PWWP2A: variants seen among roughly 807,000 people sequenced by gnomAD.
PWWP2A encodes the protein PWWP domain containing 2A, also known as PWWP domain-containing protein 2A.
A neutral mutation model predicts 48.5 loss-of-function variants in PWWP2A; 18 were observed. The ratio of observed to expected loss-of-function variants is 0.37; its 90% CI spans 0.26 to 0.55. PWWP2A has a LOEUF of 0.55. Among genes scored for constraint, PWWP2A ranks in the 20% least tolerant of loss-of-function variants. The pLI is 0.81. For synonymous variants in PWWP2A, 396 were observed against 387.7 expected, an observed-to-expected ratio of 1.02 and a Z score of -0.25; for missense variants, 867 against 976.4, an observed-to-expected ratio of 0.89 and a Z score of 1.49.
downstream of PWWP2A, chr5:160,091,150 CTTATT>C: frequency 4.1e-6 from 4 of 978,798 alleles, no homozygotes; most frequent in Non-Finnish European, 4.9e-6. Context: ...ACTACAAAAT[CTTATT>C]TTGAGAATAT....
At chr5:160,109,006 T>TA (rs535321641) in intron 1 of PWWP2A, among the ~76,000 whole-genome samples, 171 of 152,216 alleles carry the variant, frequency 1.1e-3, no homozygotes, top group Non-Finnish European at 1.9e-3. Context: ...TGTCTTCAGA[T>TA]AGAGTCTCAC....
intron 4 of PWWP2A, chr5:160,064,830 A>T: frequency 2.4e-6 from 3 of 1,261,136 alleles, no homozygotes; most frequent in Non-Finnish European, 3.3e-6. Context: ...CTGCAAAGAG[A>T]TACTTTTATA....
chr5:160,061,642 A>G (rs1181323538), downstream of PWWP2A, among the ~76,000 whole-genome samples: 1 of 151,908 alleles, frequency 6.6e-6, no homozygotes, highest in African/African-American at 2.4e-5. Context: ...TCATTTAGAA[A>G]GCAGAATTTC....
chr5:160,103,169 G>C (rs914692734), intron 1 of PWWP2A, among the ~76,000 whole-genome samples: 48 of 152,310 alleles, frequency 3.2e-4, no homozygotes, highest in Admixed American at 1.0e-3. Flanking sequence ...TTACAAATGA[G>C]TGACTCTAGA....
At chr5:160,067,571 TTCC>T (rs1211366324) in intron 2 of PWWP2A, among the ~76,000 whole-genome samples, 1 of 152,148 alleles carries the variant, frequency 6.6e-6, no homozygotes, top group African/African-American at 2.4e-5. Flanking sequence ...TTTCTTAGGC[TTCC>T]TCCTCCTCTT....
At chr5:160,101,382 CATGA>C (rs982051083) in intron 1 of PWWP2A, among the ~76,000 whole-genome samples, 2 of 152,140 alleles carry the variant, frequency 1.3e-5, no homozygotes, top group Non-Finnish European at 2.9e-5. Flanking sequence ...CATGCTACAA[CATGA>C]ATGAGTCTTG....
At position 160,093,932 on chromosome 5, in the gene PWWP2A, G is replaced by T. The variant is rs185776384; in HGVS notation, c.718C>A (p.Pro240Thr). ...EVKCEANGAV[P>T]DDPSPVPHPE... ...TGCGGGACAGGAGAAGGGTCATCGG[G>T]AACAGCACCATTTGCTTCACACTTG... is the stretch of plus-strand genomic sequence containing the variant. Residue 240 changes from proline to threonine, a missense_variant, in exon 2 of 2, where the codon CCC (proline) becomes ACC (threonine). Physicochemically the swap from Pro to Thr is conservative, Grantham distance 38. Transcript: ENST00000307063. This position sits in a 1 kb window ranked among gnomAD's most constrained non-coding sequence, Gnocchi z 5.8. 6 of 1,614,042 alleles carry T rather than the reference G, an allele frequency of 3.7e-6. No individual in the cohort carries two copies. The East Asian group carries it at 1.3e-4, about 36-fold the overall frequency.
intron 4 of PWWP2A, among the ~76,000 whole-genome samples, chr5:160,066,126 G>A (rs1178692661): frequency 6.6e-6 from 1 of 151,662 alleles, no homozygotes; most frequent in Admixed American, 6.6e-5. Flanking sequence ...TCTTCTTTTG[G>A]TCAAAGTGAA....
At chr5:160,056,338 T>C in the PWWP2A span, among the ~76,000 whole-genome samples, 1 of 152,144 alleles carries the variant, frequency 6.6e-6, no homozygotes, top group Non-Finnish European at 1.5e-5. Flanking sequence ...GTGTCCTGAT[T>C]CTTAAAGTCA....
chr5:160,099,168 A>G (rs921753494), intron 1 of PWWP2A, among the ~76,000 whole-genome samples: 3 of 152,214 alleles, frequency 2.0e-5, no homozygotes, highest in South Asian at 2.1e-4. Flanking sequence ...AATGCTCACC[A>G]AGATTTTATT....
intron 2 of PWWP2A, among the ~76,000 whole-genome samples, chr5:160,081,329 C>T (rs1386047743): frequency 1.3e-5 from 2 of 151,666 alleles, no homozygotes; most frequent in Admixed American, 1.3e-4. Flanking sequence ...ACCTCCTCCT[C>T]CCAGGTTCAA....
rs1335522001 is a variant in PWWP2A, at chr5:160,078,829, C to T, written c.1670-661G>A. On this transcript the variant is annotated intron_variant, in intron 3 of 3. Transcript: ENST00000456329. The surrounding 1 kb of genome is among the most constrained non-coding windows in gnomAD (Gnocchi z 4.2). Reference sequence around the variant, plus strand: ...CAGTATCCCTTGTTACACCAGCAAACGTGATTCTCAGCAGAGGCCTCTTCA... The same window carrying T: ...CAGTATCCCTTGTTACACCAGCAAATGTGATTCTCAGCAGAGGCCTCTTCA... Among the ~76,000 whole-genome samples, 1 of 152,152 alleles carries T rather than the reference C, an allele frequency of 6.6e-6. No homozygotes were observed. Among genetic ancestry groups the T allele is most frequent in the Admixed American group, 6.5e-5 (1 of 15,272 alleles).
intron 1 of PWWP2A, among the ~76,000 whole-genome samples, chr5:160,105,475 T>C (rs567069512): frequency 6.6e-6 from 1 of 150,606 alleles, no homozygotes; most frequent in African/African-American, 2.4e-5. Flanking sequence ...GAGGCAGAGG[T>C]TGCAGGGAGG....
intron 3 of PWWP2A, among the ~76,000 whole-genome samples, chr5:160,079,497 C>G (rs1218998101): frequency 6.6e-6 from 1 of 151,922 alleles, no homozygotes; most frequent in Non-Finnish European, 1.5e-5. Flanking sequence ...TTTTTACTTT[C>G]TAAAACTAAG....
chr5:160,109,677 C>A (rs554519514), intron 1 of PWWP2A, among the ~76,000 whole-genome samples: 158 of 147,272 alleles, frequency 1.1e-3, no homozygotes, highest in Non-Finnish European at 2.1e-3. Flanking sequence ...CTTGATAAGG[C>A]TGTGGTTCTT....
Position 160,066,296 on chromosome 5 carries a change from A to ATTTTTTTTT in PWWP2A, c.*236+243_*236+251dup, listed in dbSNP as rs59262456. On this transcript the variant is annotated intron_variant and NMD_transcript_variant, in intron 4 of 5. Coordinates refer to the PWWP2A transcript ENST00000524050. ...AGCATTATGCTAGAAAGTGGTTCTCATTTTTTTTTTTTTTTTTTTGAGGGG... is the reference window on the plus strand; with the variant it reads ...AGCATTATGCTAGAAAGTGGTTCTCATTTTTTTTTTTTTTTTTTTTTTTTTTTTGAGGGG... Among the ~76,000 whole-genome samples the ATTTTTTTTT allele has an allele frequency of 4.3e-3, 403 of 94,740 alleles. 34 individuals carry two copies. Among genetic ancestry groups the ATTTTTTTTT allele is most frequent in the African/African-American group, 0.015 (369 of 24,594 alleles). 62.2% of individuals were successfully genotyped at this position (94,740 alleles called of 152,430 possible). A position where few individuals can be genotyped will look rare whatever the true frequency, so the allele number is the denominator to read the frequency against.
exon 4 of PWWP2A, chr5:160,076,330 A>G (rs1417677056): frequency 6.6e-6 from 1 of 152,196 alleles, no homozygotes; most frequent in Non-Finnish European, 1.5e-5. Context: ...TTCATGTATC[A>G]TGGTTTGGGA....
chr5:160,106,346 T>C (rs1381049139), intron 1 of PWWP2A, among the ~76,000 whole-genome samples: 1 of 152,198 alleles, frequency 6.6e-6, no homozygotes, highest in Non-Finnish European at 1.5e-5. Flanking sequence ...AAATGGGGAT[T>C]AATAGAATTT....
the PWWP2A span, chr5:160,050,977 G>GT: frequency 0.51 from 223,812 of 442,294 alleles, 34,660 homozygotes; most frequent in African/African-American, 0.62. Flanking sequence ...AATACTTGGG[G>GT]TTTTTTTTTT....
Sources: allele counts gnomAD v4.1 joint callset (sites outside exome capture counted in the v4.1 genomes callset), GRCh38; gene constraint gnomAD v4.1.1; non-coding constraint Gnocchi (gnomAD v3.1); transcripts MANE v1.5; gene names NCBI Gene and HGNC (gene_info 2026-07-23, HGNC 2026-07-21).